TNR: variants seen among roughly 807,000 people sequenced by gnomAD.
TNR encodes the protein tenascin R, also known as tenascin-R.
In TNR, 45 loss-of-function variants were observed where a neutral mutation model predicts 150.4. The observed-to-expected ratio is 0.30, with a 90% CI of 0.24 to 0.38. The LOEUF is 0.38. TNR is among the 10% of genes least tolerant of loss of function. TNR has a pLI of 1.00. For synonymous variants in TNR, 687 were observed against 678.4 expected (o/e 1.01, Z -0.20); for missense variants, 1,544 against 1,759.1 (o/e 0.88, Z 2.19).
chr1:175,384,917 A>G (rs1033612603), intron 8 of TNR, among the ~76,000 whole-genome samples: 2 of 152,164 alleles, frequency 1.3e-5, no homozygotes, highest in African/African-American at 4.8e-5. Flanking sequence ...TTTTAAACCC[A>G]GCGGAACACA....
chr1:175,508,642 G>A (rs755953979), intron 2 of TNR, among the ~76,000 whole-genome samples: 9 of 152,166 alleles, frequency 5.9e-5, no homozygotes, highest in East Asian at 1.9e-4. Context: ...AGAGGCCCTC[G>A]AGGACCCATG....
chr1:175,445,053 A>G (rs1481891963), intron 2 of TNR, among the ~76,000 whole-genome samples: 1 of 152,106 alleles, frequency 6.6e-6, no homozygotes, highest in African/African-American at 2.4e-5. Flanking sequence ...GGCGGATCAT[A>G]AGGTTAGGAG....
chr1:175,344,403 A>G (rs892998124), intron 18 of TNR, among the ~76,000 whole-genome samples: 4 of 152,144 alleles, frequency 2.6e-5, no homozygotes, highest in African/African-American at 9.7e-5. Flanking sequence ...CTTCATACCC[A>G]GGTATTTTCC....
chr1:175,592,156 A>G (rs917465770), intron 1 of TNR, among the ~76,000 whole-genome samples: 4 of 152,214 alleles, frequency 2.6e-5, no homozygotes, highest in Admixed American at 1.3e-4. Context: ...GAATAATAAT[A>G]TCTATATTAT....
At chr1:175,685,741 G>T (rs1390404133) in intron 1 of TNR, among the ~76,000 whole-genome samples, 1 of 151,978 alleles carries the variant, frequency 6.6e-6, no homozygotes, top group Non-Finnish European at 1.5e-5. Context: ...GTTTTCTCAG[G>T]TCCCAAATCA....
intron 1 of TNR, among the ~76,000 whole-genome samples, chr1:175,575,917 G>C (rs987608857): frequency 6.6e-6 from 1 of 152,170 alleles, no homozygotes; most frequent in African/African-American, 2.4e-5. Context: ...AGCTGTGGGG[G>C]CAAAGGAAAA....
chr1:175,366,889 T>C (rs1651864041), intron 10 of TNR, among the ~76,000 whole-genome samples: 1 of 152,028 alleles, frequency 6.6e-6, no homozygotes, highest in Non-Finnish European at 1.5e-5. Flanking sequence ...GCTGTCGGGG[T>C]GGTCTAGATA....
chr1:175,408,174 C>T (rs1654043919), intron 2 of TNR, among the ~76,000 whole-genome samples: 1 of 152,170 alleles, frequency 6.6e-6, no homozygotes, highest in South Asian at 2.1e-4. Flanking sequence ...CTGCTAAGTC[C>T]TTGTCGGTCA....
chr1:175,355,705 G>T, intron 16 of TNR, 72 bp from the exon 17 acceptor site: 1 of 1,594,886 alleles, frequency 6.3e-7, no homozygotes, highest in Non-Finnish European at 8.5e-7. Context: ...TCAGGTATGG[G>T]TATCTGTTGC....
At position 175,417,016 on chromosome 1, in the gene TNR, A is replaced by AAAGAAAGAAAGAAAGAAAGAAAGG. The variant is rs1213220103; in HGVS notation, c.-63-10240_-63-10239insCCTTTCTTTCTTTCTTTCTTTCTT. Among the ~76,000 whole-genome samples the AAAGAAAGAAAGAAAGAAAGAAAGG allele has an allele frequency of 1.9e-3, 164 of 85,628 alleles. 1 individual carries two copies. Among genetic ancestry groups the AAAGAAAGAAAGAAAGAAAGAAAGG allele is most frequent in the African/African-American group, 6.6e-3 (156 of 23,470 alleles). The allele number at this position is 85,628 out of a possible 152,430, so 56.2% of individuals were successfully genotyped here. A position where few individuals can be genotyped will look rare whatever the true frequency, so the allele number is the denominator to read the frequency against. On this transcript the variant is annotated intron_variant, in intron 2 of 22. Coordinates refer to ENST00000367674, the MANE Select transcript of TNR (RefSeq NM_003285.3). ...GAGCGAGACTCCATCTCAAAAAAAG[A>AAAGAAAGAAAGAAAGAAAGAAAGG]AAGAAAGAAAGAAAGAAAGAAAGAA...
intron 2 of TNR, among the ~76,000 whole-genome samples, chr1:175,445,139 A>G (rs918438500): frequency 2.0e-5 from 3 of 152,134 alleles, no homozygotes; most frequent in Non-Finnish European, 2.9e-5. Flanking sequence ...GTGTGGTGGC[A>G]GGCACCTGTA....
At chr1:175,416,965 G>A (rs564170160) in intron 2 of TNR, among the ~76,000 whole-genome samples, 14 of 143,406 alleles carry the variant, frequency 9.8e-5, no homozygotes, top group East Asian at 4.1e-4. Flanking sequence ...CCAAGATTGC[G>A]CCACTGCACT....
chr1:175,507,548 C>T (rs1403141854), intron 2 of TNR, among the ~76,000 whole-genome samples: 1 of 151,818 alleles, frequency 6.6e-6, no homozygotes, highest in Non-Finnish European at 1.5e-5. Flanking sequence ...ATCTGATCCC[C>T]CCTTCCCTGT....
chr1:175,335,431 C>T, intron 20 of TNR: 1 of 309,956 alleles, frequency 3.2e-6, no homozygotes, highest in Non-Finnish European at 5.9e-6. Flanking sequence ...ACCGACCAGG[C>T]AGCTCACTCC....
intron 1 of TNR, among the ~76,000 whole-genome samples, chr1:175,690,636 C>T (rs1321843396): frequency 6.6e-6 from 1 of 152,192 alleles, no homozygotes; most frequent in Non-Finnish European, 1.5e-5. Flanking sequence ...ACTGGATCCT[C>T]TTGGCTTAAG....
At chr1:175,715,489 A>G (rs1302169850) in intron 1 of TNR, among the ~76,000 whole-genome samples, 1 of 152,060 alleles carries the variant, frequency 6.6e-6, no homozygotes, top group Non-Finnish European at 1.5e-5. Context: ...AGCTATGTGC[A>G]CAGATGCAGA....
intron 1 of TNR, among the ~76,000 whole-genome samples, chr1:175,575,336 G>C (rs898317524): frequency 6.6e-6 from 1 of 152,144 alleles, no homozygotes; most frequent in Non-Finnish European, 1.5e-5. Context: ...TTTTACTATA[G>C]CATAACCTAG....
intron 1 of TNR, among the ~76,000 whole-genome samples, chr1:175,716,052 A>G (rs1270409867): frequency 6.6e-6 from 1 of 152,174 alleles, no homozygotes; most frequent in Admixed American, 6.5e-5. Context: ...CCCCGCAGAC[A>G]CTGGCCTTGG....
chr1:175,714,643 A>G (rs890934726), intron 1 of TNR, among the ~76,000 whole-genome samples: 26 of 151,900 alleles, frequency 1.7e-4, no homozygotes, highest in African/African-American at 6.3e-4. Context: ...TTATCTCTCT[A>G]CCCTCTCCAC....
Sources: gnomAD v4.1 joint callset for allele counts (sites outside exome capture counted in the v4.1 genomes callset) on GRCh38, gnomAD v4.1.1 for gene constraint, MANE v1.5 for transcripts, NCBI Gene and HGNC (gene_info 2026-07-23, HGNC 2026-07-21) for gene names.